Variants in IGFL4 observed in about 807,000 individuals in gnomAD.
IGFL4 encodes the protein insulin growth factor-like family member 4.
Under a neutral mutation model 15.4 loss-of-function variants are expected in IGFL4, and 12 were observed. The observed-to-expected ratio is 0.78, with a 90% confidence interval of 0.50 to 1.26. The LOEUF (loss-of-function observed/expected upper bound fraction) is 1.26. Ranked by LOEUF, IGFL4 falls within the 50% of genes most tolerant of loss-of-function variation. The pLI, the probability that IGFL4 is intolerant of heterozygous loss-of-function variation, is 0.00. For missense variants in IGFL4, 126 were observed against 147.8 expected (o/e 0.85, Z 0.76); for synonymous variants, 54 against 55.9 (o/e 0.97, Z 0.16).
chr19:46,060,856 G>A (rs1969438684), intron 1 of IGFL4, among the ~76,000 whole-genome samples: 1 of 152,066 alleles, frequency 6.6e-6, no homozygotes, highest in African/African-American at 2.4e-5. Flanking sequence ...TTGCATTAGT[G>A]TACTATTAAT....
intron 2 of IGFL4, among the ~76,000 whole-genome samples, chr19:46,052,925 G>C (rs1425775755): frequency 8.6e-6 from 1 of 115,668 alleles, no homozygotes; most frequent in African/African-American, 3.5e-5. Flanking sequence ...CCCAGGGCTC[G>C]AAGTAGTGGG....
chr19:46,074,000 CATTACTTGGGA>C (rs1181387389), intron 1 of IGFL4, among the ~76,000 whole-genome samples: 2 of 152,098 alleles, frequency 1.3e-5, no homozygotes, highest in Admixed American at 1.3e-4. Flanking sequence ...TTCTCTAATA[CATTACTTGGGA>C]ATGTCTCAGT....
intron 2 of IGFL4, chr19:46,059,175 C>T (rs768959020): frequency 3.3e-5 from 5 of 152,200 alleles, no homozygotes; most frequent in Non-Finnish European, 5.9e-5. Context: ...CTATCTCATC[C>T]GGTGAGTTAG....
At chr19:46,045,087 T>C (rs954807120), upstream of IGFL4, among the ~76,000 whole-genome samples, 2 of 152,112 alleles carry the variant, frequency 1.3e-5, no homozygotes, top group Non-Finnish European at 1.5e-5. Context: ...ACAGTACCTC[T>C]CCAGCAAGGG....
chr19:46,065,481 G>C (rs186526031), intron 1 of IGFL4, among the ~76,000 whole-genome samples: 1 of 152,222 alleles, frequency 6.6e-6, no homozygotes, highest in Non-Finnish European at 1.5e-5. Flanking sequence ...GCTAATTTTT[G>C]TATTTTTAGT....
chr19:46,047,761 G>A (rs961498845), intron 2 of IGFL4, among the ~76,000 whole-genome samples: 6 of 152,182 alleles, frequency 3.9e-5, no homozygotes, highest in African/African-American at 1.2e-4. Flanking sequence ...TATGATTTCC[G>A]AAATTGGGGG....
chr19:46,041,759 G>A (rs1435360755), upstream of IGFL4, among the ~76,000 whole-genome samples: 1 of 151,766 alleles, frequency 6.6e-6, no homozygotes, highest in Non-Finnish European at 1.5e-5. Context: ...GAAGGATAAG[G>A]CACAGGTATT....
In IGFL4 at chr19:46,040,505, C is replaced by A; in HGVS notation, c.70+13G>T. 6.2e-7 allele frequency: 1 copy of A among 1,614,206 alleles called. No homozygotes were observed. The highest frequency in any genetic ancestry group is 8.5e-7 in the Non-Finnish European group (1 of 1,180,036). ...AATGCTGTTCTCTCCTCCCTCACTG[C>A]ATCTGTTCTCACCTGTGACTCCTTC... On this transcript the variant is annotated intron_variant, in intron 2 of 3. Coordinates refer to ENST00000377697, the MANE Select transcript of IGFL4 (RefSeq NM_001002923.3). The surrounding 1 kb of genome is among the most constrained non-coding windows in gnomAD (Gnocchi z 4.1).
intron 1 of IGFL4, among the ~76,000 whole-genome samples, chr19:46,069,335 T>C (rs1444390904): frequency 6.6e-6 from 1 of 152,202 alleles, no homozygotes; most frequent in African/African-American, 2.4e-5. Context: ...TCTCACTCAA[T>C]TTTCAAATAT....
At chr19:46,049,049 A>G (rs890018921) in intron 2 of IGFL4, among the ~76,000 whole-genome samples, 2 of 152,238 alleles carry the variant, frequency 1.3e-5, no homozygotes, top group African/African-American at 4.8e-5. Context: ...CCAAAACAGC[A>G]TGGTACTGGT....
intron 1 of IGFL4, among the ~76,000 whole-genome samples, chr19:46,065,282 T>A (rs999294420): frequency 1.1e-4 from 16 of 151,156 alleles, no homozygotes; most frequent in Non-Finnish European, 2.4e-4. Context: ...CTTCACTTCA[T>A]TGATTGTTTC....
At chr19:46,045,179 T>C (rs147457917), upstream of IGFL4, among the ~76,000 whole-genome samples, 462 of 152,250 alleles carry the variant, frequency 3.0e-3, 3 homozygotes, top group African/African-American at 0.01. Context: ...GCGCAGTGGC[T>C]CACACCTTTA....
intron 2 of IGFL4, chr19:46,060,115 T>C (rs550563930): frequency 6.6e-6 from 1 of 152,342 alleles, no homozygotes; most frequent in Admixed American, 6.5e-5. Context: ...TTGTGTCTGT[T>C]TGCAAAAGAA....
chr19:46,056,020 G>A (rs1037250711), intron 2 of IGFL4, among the ~76,000 whole-genome samples: 6 of 152,088 alleles, frequency 3.9e-5, no homozygotes, highest in African/African-American at 1.4e-4. Flanking sequence ...CAAGTGATTG[G>A]CCTGCCTCAG....
intron 2 of IGFL4, among the ~76,000 whole-genome samples, chr19:46,053,227 T>C (rs1969364005): frequency 6.6e-6 from 1 of 152,226 alleles, no homozygotes; most frequent in Admixed American, 6.5e-5. Context: ...TTGTTTTGTT[T>C]TGTTTGAGAC....
intron 1 of IGFL4, among the ~76,000 whole-genome samples, chr19:46,068,696 T>C (rs1276252590): frequency 6.6e-6 from 1 of 152,154 alleles, no homozygotes. Context: ...AATCCTTCCT[T>C]CTGAGGAACC....
intron 2 of IGFL4, among the ~76,000 whole-genome samples, chr19:46,050,791 A>G (rs1361692336): frequency 6.6e-6 from 1 of 152,230 alleles, no homozygotes; most frequent in Non-Finnish European, 1.5e-5. Flanking sequence ...CTAGAGATTT[A>G]GACGTTCAAA....
At chr19:46,055,757 A>G (rs950828847) in intron 2 of IGFL4, among the ~76,000 whole-genome samples, 14 of 152,252 alleles carry the variant, frequency 9.2e-5, no homozygotes, top group African/African-American at 2.6e-4. Flanking sequence ...TTGACAGCAA[A>G]AAGTTTTGTG....
intron 1 of IGFL4, among the ~76,000 whole-genome samples, chr19:46,072,507 A>G (rs1467947138): frequency 6.6e-6 from 1 of 152,248 alleles, no homozygotes; most frequent in Admixed American, 6.5e-5. Flanking sequence ...ATTTTAATCA[A>G]TGGAGGTAAT....
Sources: allele counts gnomAD v4.1 joint callset (sites outside exome capture counted in the v4.1 genomes callset), GRCh38; gene constraint gnomAD v4.1.1; non-coding constraint Gnocchi (gnomAD v3.1); transcripts MANE v1.5; gene names NCBI Gene and HGNC (gene_info 2026-07-23, HGNC 2026-07-21).